FGF13: variants seen among roughly 807,000 people sequenced by gnomAD.
FGF13 encodes fibroblast growth factor homologous factor 2.
A neutral mutation model predicts 19.5 loss-of-function variants in FGF13; 2 were observed. The observed-to-expected ratio is 0.10, with a 90% confidence interval of 0.04 to 0.32. The LOEUF (loss-of-function observed/expected upper bound fraction) is 0.32, where lower values mean the gene tolerates loss of function less well. FGF13 is among the 10% of genes least tolerant of loss of function. FGF13 has a pLI of 1.00. For missense variants in FGF13, 113 were observed against 192.7 expected (o/e 0.59, Z 2.45); for synonymous variants, 72 against 76.9 (o/e 0.94, Z 0.33).
chrX:139,100,399 AAGG>A (rs1040619730), intron 1 of FGF13, among the ~76,000 whole-genome samples: 6 of 109,751 alleles, frequency 5.5e-5, no homozygotes, highest in Non-Finnish European at 7.6e-5. Flanking sequence ...AGAGAGAGGG[AAGG>A]AGAAGAGTAG....
intron 1 of FGF13, among the ~76,000 whole-genome samples, chrX:139,062,732 G>GT: frequency 9.0e-6 from 1 of 111,667 alleles, no homozygotes; most frequent in Non-Finnish European, 1.9e-5. Flanking sequence ...AATGGGACTG[G>GT]TTTTTAAAGG....
chrX:139,043,293 C>A (rs989263423), intron 1 of FGF13, among the ~76,000 whole-genome samples: 8 of 110,609 alleles, frequency 7.2e-5, no homozygotes, highest in Admixed American at 3.8e-4. Context: ...CTCACTGCAA[C>A]CCCCGCCTCC....
chrX:139,181,933 T>G (rs1014399273), intron 1 of FGF13, among the ~76,000 whole-genome samples: 3 of 110,056 alleles, frequency 2.7e-5, no homozygotes, highest in Admixed American at 9.7e-5. Context: ...TGCTGGTTCT[T>G]TACTGAAAAA....
chrX:138,943,319 C>T (rs2091767617), intron 1 of FGF13, among the ~76,000 whole-genome samples: 1 of 112,082 alleles, frequency 8.9e-6, no homozygotes. Context: ...GTCTTGCAGG[C>T]TATGCAGAAC....
At chrX:139,004,016 C>G (rs1317728819) in intron 1 of FGF13, among the ~76,000 whole-genome samples, 1 of 112,439 alleles carries the variant, frequency 8.9e-6, no homozygotes, top group East Asian at 2.8e-4. Context: ...AGTACTGCGC[C>G]GTGCACTCGC....
intron 1 of FGF13, among the ~76,000 whole-genome samples, chrX:139,090,822 T>C (rs1346906006): frequency 9.3e-6 from 1 of 107,917 alleles, no homozygotes; most frequent in Non-Finnish European, 1.9e-5. Flanking sequence ...ACGGCTGCAG[T>C]CCCAGCAGGC....
rs766329619 is a variant in FGF13, at chrX:138,620,037, T to A, written c.*12813A>T. The A allele has an allele frequency of 8.9e-6, 1 of 111,875 alleles. No individual in the cohort carries two copies. Among genetic ancestry groups the A allele is most frequent in the East Asian group, 2.8e-4 (1 of 3,582 alleles). The allele number at this position is 111,875 out of a possible 1,213,427, so 9.2% of individuals were successfully genotyped here. A position where few individuals can be genotyped will look rare whatever the true frequency, so the allele number is the denominator to read the frequency against. On this transcript the variant is annotated 3_prime_UTR_variant, in exon 5 of 5. Coordinates refer to ENST00000315930, the MANE Select transcript of FGF13 (RefSeq NM_004114.5). ...CACGCATATGTTCACTGCAGCACTG[T>A]TCAAAAGAGCAAAGATGTGGAATCA...
intron 1 of FGF13, among the ~76,000 whole-genome samples, chrX:139,022,672 G>T (rs903518715): frequency 1.8e-5 from 2 of 110,780 alleles, no homozygotes; most frequent in East Asian, 5.7e-4. Context: ...ACCCACCAAG[G>T]ATAGCAACCC....
At chrX:138,922,747 C>G (rs2091653293) in intron 1 of FGF13, among the ~76,000 whole-genome samples, 1 of 111,869 alleles carries the variant, frequency 8.9e-6, no homozygotes, top group South Asian at 3.8e-4. Flanking sequence ...CTGTATTTGC[C>G]TATTCCTCAT....
intron 3 of FGF13, among the ~76,000 whole-genome samples, chrX:138,747,120 C>T (rs1167222508): frequency 1.8e-5 from 2 of 111,262 alleles, no homozygotes; most frequent in South Asian, 7.7e-4. Context: ...ACAAGGCTGA[C>T]AACAGAATCC....
At chrX:138,717,248 C>G (rs967063984) in intron 1 of FGF13, among the ~76,000 whole-genome samples, 4 of 111,379 alleles carry the variant, frequency 3.6e-5, no homozygotes, top group African/African-American at 1.3e-4. Context: ...GAGGTTTCTC[C>G]CTTAATCTTG....
At chrX:139,058,089 AT>A (rs1308868885) in intron 1 of FGF13, among the ~76,000 whole-genome samples, 1 of 111,839 alleles carries the variant, frequency 8.9e-6, no homozygotes, top group Non-Finnish European at 1.9e-5. Context: ...TAATTCAGCT[AT>A]TTTGATTTTC....
intron 1 of FGF13, among the ~76,000 whole-genome samples, chrX:139,178,330 T>C (rs2084209359): frequency 8.9e-6 from 1 of 112,175 alleles, no homozygotes; most frequent in Non-Finnish European, 1.9e-5. Flanking sequence ...ATCTCTGAGG[T>C]CACTGAGTGT....
chrX:139,148,318 G>A (rs1364842034), intron 1 of FGF13, among the ~76,000 whole-genome samples: 4 of 111,257 alleles, frequency 3.6e-5, no homozygotes, highest in Non-Finnish European at 5.7e-5. Context: ...ACACACACCT[G>A]CCTATTCAGA....
chrX:139,050,439 C>T (rs1419012305), intron 1 of FGF13, among the ~76,000 whole-genome samples: 2 of 111,948 alleles, frequency 1.8e-5, no homozygotes, highest in African/African-American at 6.5e-5. Context: ...CTTTGGATTG[C>T]ATGAACACAT....
At chrX:138,716,753 A>T (rs2090107136) in intron 1 of FGF13, 1 of 112,017 alleles carries the variant, frequency 8.9e-6, no homozygotes, top group Admixed American at 9.4e-5. Context: ...GGCAAAGATT[A>T]GATCATTTAG....
intron 1 of FGF13, among the ~76,000 whole-genome samples, chrX:139,006,987 C>T (rs1242633228): frequency 2.7e-5 from 3 of 111,306 alleles, no homozygotes; most frequent in African/African-American, 9.8e-5. Flanking sequence ...GGAGTAAGTC[C>T]TTAGTTATCA....
At chrX:138,925,764 A>T (rs750353014) in intron 1 of FGF13, among the ~76,000 whole-genome samples, 29 of 111,911 alleles carry the variant, frequency 2.6e-4, no homozygotes, top group Non-Finnish European at 5.3e-4. Flanking sequence ...ACCCTGGTGA[A>T]TATTCTTCCC....
intron 1 of FGF13, among the ~76,000 whole-genome samples, chrX:139,102,498 T>G (rs1280665843): frequency 1.8e-5 from 2 of 112,420 alleles, no homozygotes; most frequent in East Asian, 5.6e-4. Flanking sequence ...TCTCTGAGTC[T>G]GTTTCTTCTT....
Sources: gnomAD v4.1 joint callset for allele counts (sites outside exome capture counted in the v4.1 genomes callset) on GRCh38, gnomAD v4.1.1 for gene constraint, MANE v1.5 for transcripts, NCBI Gene and HGNC (gene_info 2026-07-23, HGNC 2026-07-21) for gene names.